Variants in TJP3 observed in about 807,000 individuals in gnomAD.
TJP3 encodes tight junction protein 3, also known as tight junction protein ZO-3.
TJP3 carries 85 observed loss-of-function variants against 104.2 expected under a neutral mutation model. That is an observed-to-expected ratio of 0.82 (90% confidence interval 0.68 to 0.98). The LOEUF is 0.98. Among genes scored for constraint, TJP3 ranks in the 50% least tolerant of loss-of-function variants. TJP3 has a pLI of 0.00. For synonymous variants in TJP3, 550 were observed against 550.6 expected (o/e 1.00, Z 0.02); for missense variants, 1,367 against 1,322.8 (o/e 1.03, Z -0.52).
intron 15 of TJP3, 52 bp downstream of exon 15, chr19:3,744,086 G>GT (rs752115494): frequency 5.8e-6 from 9 of 1,553,246 alleles, no homozygotes; most frequent in South Asian, 4.5e-5. Context: ...TTTCACAACT[G>GT]TTTTTTTGTG....
rs749057897 is a variant in TJP3, at chr19:3,730,208, T to C, written c.261+78T>C. The C allele has an allele frequency of 7.7e-6, 12 of 1,550,744 alleles. No individual in the cohort carries two copies. The highest frequency in any genetic ancestry group is 1.1e-5 in the Non-Finnish European group (12 of 1,125,008). On this transcript the variant is annotated intron_variant, in intron 4 of 20. Transcript: ENST00000541714. This position sits in a 1 kb window ranked among gnomAD's most constrained non-coding sequence, Gnocchi z 7.3. ...TGCCGCTGTGGGGGTTGTAAGCTTCTGAGAGCAAGGAGTCATCTTCTCATC... is the reference window on the plus strand; with the variant it reads ...TGCCGCTGTGGGGGTTGTAAGCTTCCGAGAGCAAGGAGTCATCTTCTCATC...
intron 1 of TJP3, among the ~76,000 whole-genome samples, chr19:3,713,899 G>A (rs909828196): frequency 8.0e-6 from 1 of 124,786 alleles, no homozygotes; most frequent in African/African-American, 3.0e-5. Flanking sequence ...TTTTTTTTTT[G>A]TATTTTTAGT....
At chr19:3,748,650 C>A (rs2036941581) in intron 19 of TJP3, among the ~76,000 whole-genome samples, 1 of 148,448 alleles carries the variant, frequency 6.7e-6, no homozygotes, top group South Asian at 2.1e-4. Flanking sequence ...CTCACCACAA[C>A]CTCCGCCTCC....
intron 3 of TJP3, among the ~76,000 whole-genome samples, 185 bp from the exon 4 acceptor site, chr19:3,729,843 C>A (rs1305093609): frequency 6.6e-6 from 1 of 151,814 alleles, no homozygotes; most frequent in African/African-American, 2.4e-5. Flanking sequence ...CAATTGGCTC[C>A]ATTTTACAGG....
intron 1 of TJP3, among the ~76,000 whole-genome samples, chr19:3,710,601 G>A (rs1008540835): frequency 6.6e-6 from 1 of 152,216 alleles, no homozygotes; most frequent in Non-Finnish European, 1.5e-5. Context: ...GGGGCCAGGG[G>A]AGCTGTGTTT....
At chr19:3,743,778 A>G in intron 14 of TJP3, 161 bp from the exon 15 acceptor site, 1 of 619,780 alleles carries the variant, frequency 1.6e-6, no homozygotes, top group Non-Finnish European at 2.9e-6. Context: ...AGGCTAACCT[A>G]GCTGCAAAGG....
At position 3,728,604 on chromosome 19, in the gene TJP3, G is replaced by A. The variant is rs2036628782; in HGVS notation, c.49G>A (p.Asp17Asn). The A allele has an allele frequency of 6.2e-7, 1 of 1,611,874 alleles. No homozygotes were observed. The highest frequency in any genetic ancestry group is 8.5e-7 in the Non-Finnish European group (1 of 1,179,496). Residue 17 changes from aspartate (D) to asparagine (N), a missense_variant and splice_region_variant, in exon 3 of 21, where the codon GAC (aspartate) becomes AAC (asparagine). Transcript: ENST00000541714. The stretch of plus-strand genomic sequence containing the variant: ...CTTCCTTCCCCTCATCCTCTCTCAG[G>A]ACCCCCGCCGGGGCTTTGGCATTGC... ...WEQHTATLSK[D>N]PRRGFGIAIS...
intron 11 of TJP3, among the ~76,000 whole-genome samples, chr19:3,736,575 TTTG>T (rs961462205): frequency 3.9e-5 from 6 of 152,146 alleles, no homozygotes; most frequent in East Asian, 1.9e-4. Flanking sequence ...GGGTTCATTT[TTTG>T]TTGTTGTTGT....
intron 19 of TJP3, 92 bp downstream of exon 19, chr19:3,748,173 G>A (rs899686578): frequency 1.3e-5 from 19 of 1,429,426 alleles, no homozygotes; most frequent in Non-Finnish European, 1.7e-5. Flanking sequence ...TTTTCTACCA[G>A]GACGTCAACA....
intron 19 of TJP3, 151 bp downstream of exon 19, chr19:3,748,232 A>G: frequency 1.2e-6 from 1 of 868,542 alleles, no homozygotes; most frequent in Non-Finnish European, 1.7e-6. Context: ...GACCTGGGGT[A>G]GCTGAGACCC....
At chr19:3,745,400 T>C (rs1444562497) in intron 15 of TJP3, among the ~76,000 whole-genome samples, 1 of 152,084 alleles carries the variant, frequency 6.6e-6, no homozygotes, top group African/African-American at 2.4e-5. Context: ...TGCCTCAGCC[T>C]CCCAAAGTGC....
Position 3,730,552 on chromosome 19 carries a change from C to G in TJP3, c.459C>G (p.Arg153=), listed in dbSNP as rs201947601. Residue 153 remains arginine (R), a synonymous_variant, in exon 5 of 21, where the codon CGC becomes CGG. Coordinates refer to ENST00000541714, the MANE Select transcript of TJP3 (RefSeq NM_001267560.2). This position sits in a 1 kb window ranked among gnomAD's most constrained non-coding sequence, Gnocchi z 7.3. The part of the protein sequence containing the change: ...DERSRRPRPG[R]RGRAGSHGRR... ...GCTCCCGCCGGCCGAGGCCTGGTCGCCGGGGCCGGGCCGGCAGCCATGGGC... is the reference window on the plus strand; with the variant it reads ...GCTCCCGCCGGCCGAGGCCTGGTCGGCGGGGCCGGGCCGGCAGCCATGGGC... The G allele has an allele frequency of 2.5e-4, 402 of 1,603,606 alleles. 1 individual carries two copies. The highest frequency in any genetic ancestry group is 8.7e-4 in the Admixed American group (52 of 59,634).
intron 1 of TJP3, among the ~76,000 whole-genome samples, chr19:3,716,868 G>A (rs1156340279): frequency 7.4e-6 from 1 of 135,770 alleles, no homozygotes; most frequent in Non-Finnish European, 1.6e-5. Context: ...GCACGATCTC[G>A]GCTCACTGCA....
In TJP3 at chr19:3,748,066, T is replaced by A; in HGVS notation, c.2595T>A (p.Ala865=). 1.9e-6 allele frequency: 3 copies of A among 1,572,952 alleles called. No individual in the cohort carries two copies. In the South Asian group the frequency reaches 3.5e-5, roughly 18 times the overall value. The change falls in exon 19 of 21, where the codon GCT becomes GCA. Residue 865 remains alanine (A), a synonymous_variant. Coordinates refer to ENST00000541714, the MANE Select transcript of TJP3 (RefSeq NM_001267560.2). The part of the protein sequence containing the change: ...QSPRDRGRIS[A]HQGAQVDSRH... ...CGAGGGATCGTGGGAGAATCTCGGC[T>A]CATCAGGGGGCCCAGGTGCGTCGGA...
At chr19:3,720,907 T>C (rs1237865416) in intron 1 of TJP3, among the ~76,000 whole-genome samples, 1 of 143,902 alleles carries the variant, frequency 6.9e-6, no homozygotes, top group African/African-American at 2.6e-5. Context: ...TTTTCTTTTT[T>C]TTTTTTTTTT....
At chr19:3,717,933 A>AAG (rs61601103) in intron 1 of TJP3, among the ~76,000 whole-genome samples, 11 of 148,212 alleles carry the variant, frequency 7.4e-5, no homozygotes, top group African/African-American at 2.7e-4. Context: ...AAAAAAAAAA[A>AAG]GGCCGGGCAC....
At chr19:3,736,553 T>C (rs1451115011) in intron 11 of TJP3, among the ~76,000 whole-genome samples, 2 of 152,188 alleles carry the variant, frequency 1.3e-5, no homozygotes, top group Non-Finnish European at 2.9e-5. Flanking sequence ...TTTCTGTGCC[T>C]TGACCTTATC....
At chr19:3,732,875 C>T (rs2036690088) in intron 6 of TJP3, among the ~76,000 whole-genome samples, 1 of 151,948 alleles carries the variant, frequency 6.6e-6, no homozygotes, top group Non-Finnish European at 1.5e-5. Flanking sequence ...GAACTCCCGA[C>T]CTCAGGTGAT....
At chr19:3,741,630 G>A (rs200545289) in intron 14 of TJP3, among the ~76,000 whole-genome samples, 632 of 130,666 alleles carry the variant, frequency 4.8e-3, no homozygotes, top group Non-Finnish European at 5.7e-3. Flanking sequence ...GTCTTCAAAA[G>A]AAAAAAAAAA....
Sources: gnomAD v4.1 joint callset for allele counts (sites outside exome capture counted in the v4.1 genomes callset) on GRCh38, gnomAD v4.1.1 for gene constraint, Gnocchi (gnomAD v3.1) non-coding constraint, MANE v1.5 for transcripts, NCBI Gene and HGNC (gene_info 2026-07-23, HGNC 2026-07-21) for gene names.